Variants in ADAM19 observed in about 807,000 individuals in gnomAD.
The protein encoded by ADAM19 is ADAM metallopeptidase domain 19.
A neutral mutation model predicts 114.7 loss-of-function variants in ADAM19; 65 were observed. That is an observed-to-expected ratio of 0.57 (90% confidence interval 0.46 to 0.70). The LOEUF (loss-of-function observed/expected upper bound fraction) is 0.70. ADAM19 is among the 30% of genes least tolerant of loss of function. ADAM19 has a pLI of 0.00. For synonymous variants in ADAM19, 466 were observed against 460.5 expected, an observed-to-expected ratio of 1.01 and a Z score of -0.15; for missense variants, 1,063 against 1,204.7, an observed-to-expected ratio of 0.88 and a Z score of 1.74.
At chr5:157,508,723 C>T (rs1755822356) in intron 9 of ADAM19, among the ~76,000 whole-genome samples, 1 of 152,236 alleles carries the variant, frequency 6.6e-6, no homozygotes, top group Non-Finnish European at 1.5e-5. Flanking sequence ...CCCTGGGGCA[C>T]TGTCACATGT....
Position 157,477,541 on chromosome 5 carries a change from G to T in ADAM19, c.*3408C>A. The T allele has an allele frequency of 1.7e-6, 2 of 1,184,446 alleles. No individual in the cohort carries two copies. The highest frequency in any genetic ancestry group is 1.6e-5 in the African/African-American group (1 of 62,930). The allele number at this position is 1,184,446 out of a possible 1,614,324, so 73.4% of individuals were successfully genotyped here. ...GTGGACGGTGTGAGAGGACGCGTTGGGGGTGACTTTGGAAATGTGGGCTTG... is the reference window on the plus strand; with the variant it reads ...GTGGACGGTGTGAGAGGACGCGTTGTGGGTGACTTTGGAAATGTGGGCTTG... On this transcript the variant is annotated 3_prime_UTR_variant, in exon 23 of 23. Transcript: ENST00000257527.
chr5:157,478,833 G>A lies in ADAM19; in HGVS notation c.*2116C>T. Reference sequence around the variant, plus strand: ...TTTCTGGTGTGGTTCCAGGGAGGGTGGACTGCAGGTTCAGATGGCTCATGC... The same window carrying A: ...TTTCTGGTGTGGTTCCAGGGAGGGTAGACTGCAGGTTCAGATGGCTCATGC... On this transcript the variant is annotated 3_prime_UTR_variant, in exon 23 of 23. Coordinates refer to ENST00000257527, the MANE Select transcript of ADAM19 (RefSeq NM_033274.5). The A allele has an allele frequency of 4.1e-6, 4 of 985,842 alleles. No homozygotes were observed. The highest frequency in any genetic ancestry group is 1.7e-5 in the African/African-American group (1 of 57,332). 61.1% of individuals were successfully genotyped at this position (985,842 alleles called of 1,614,324 possible).
chr5:157,514,797 G>C (rs1050677691), intron 7 of ADAM19, among the ~76,000 whole-genome samples: 9 of 152,198 alleles, frequency 5.9e-5, no homozygotes, highest in Admixed American at 5.9e-4. Context: ...GCTTCACAGT[G>C]TAAAGAGAAA....
chr5:157,489,588 A>C (rs913551694), intron 19 of ADAM19, among the ~76,000 whole-genome samples: 1 of 152,232 alleles, frequency 6.6e-6, no homozygotes, highest in African/African-American at 2.4e-5. Flanking sequence ...TACATCTTCC[A>C]TATCCAAAAT....
intron 7 of ADAM19, among the ~76,000 whole-genome samples, chr5:157,516,932 T>C (rs1346543737): frequency 1.9e-5 from 2 of 105,848 alleles, no homozygotes; most frequent in African/African-American, 1.0e-4. Flanking sequence ...ACAGAAAACA[T>C]AGAACACACA....
At chr5:157,548,185 C>T (rs1456108128) in intron 3 of ADAM19, among the ~76,000 whole-genome samples, 3 of 152,162 alleles carry the variant, frequency 2.0e-5, no homozygotes, top group Non-Finnish European at 4.4e-5. Context: ...TCAGACTTCC[C>T]GTGCCCCCAA....
chr5:157,508,998 C>G (rs1327270111), intron 9 of ADAM19, among the ~76,000 whole-genome samples: 1 of 152,256 alleles, frequency 6.6e-6, no homozygotes, highest in Admixed American at 6.5e-5. Context: ...ACCTGACCAA[C>G]AGTCAGTCCC....
At chr5:157,488,572 C>G (rs561675334) in intron 20 of ADAM19, 83 bp from the exon 21 acceptor site, 2 of 1,136,672 alleles carry the variant, frequency 1.8e-6, no homozygotes, top group South Asian at 3.2e-5. Flanking sequence ...AAACCAGAGC[C>G]CAAAGGGAGA....
chr5:157,561,377 G>A (rs534049878), intron 3 of ADAM19, among the ~76,000 whole-genome samples: 3 of 152,224 alleles, frequency 2.0e-5, no homozygotes, highest in Non-Finnish European at 4.4e-5. Flanking sequence ...TGCTATTTTG[G>A]GCCATGCATT....
intron 3 of ADAM19, among the ~76,000 whole-genome samples, chr5:157,544,532 T>C (rs1311682498): frequency 1.3e-5 from 2 of 152,182 alleles, no homozygotes; most frequent in Non-Finnish European, 2.9e-5. Context: ...TCTTCAGGCC[T>C]CCCTCGTGGC....
At chr5:157,496,544 C>G (rs1382965569) in intron 14 of ADAM19, among the ~76,000 whole-genome samples, 1 of 152,144 alleles carries the variant, frequency 6.6e-6, no homozygotes, top group South Asian at 2.1e-4. Flanking sequence ...TATGAAAAAT[C>G]TCACCTCATC....
intron 5 of ADAM19, among the ~76,000 whole-genome samples, chr5:157,526,201 C>A (rs1233642734): frequency 1.3e-5 from 2 of 150,096 alleles, no homozygotes; most frequent in African/African-American, 5.0e-5. Context: ...CACACACACA[C>A]AATTATGTAT....
intron 11 of ADAM19, among the ~76,000 whole-genome samples, chr5:157,505,123 A>AAAC (rs1755699701): frequency 6.6e-6 from 1 of 150,838 alleles, no homozygotes; most frequent in Non-Finnish European, 1.5e-5. Context: ...TGTCTCAAAA[A>AAAC]AAAAAAAAAA....
At chr5:157,557,696 T>G (rs969897171) in intron 3 of ADAM19, among the ~76,000 whole-genome samples, 4 of 152,142 alleles carry the variant, frequency 2.6e-5, no homozygotes, top group African/African-American at 9.7e-5. Flanking sequence ...GAGGGCCCTC[T>G]CTCCGGTTCA....
In ADAM19 at chr5:157,517,372, C is replaced by A. The variant is rs780014885; in HGVS notation, c.666+1451G>T. Among the ~76,000 whole-genome samples, 4 of 152,198 alleles carry A rather than the reference C, an allele frequency of 2.6e-5. No individual in the cohort carries two copies. The East Asian group carries it at 5.8e-4, about 22-fold the overall frequency. ...CAGTGTCTGCCCTGCTCGAACACAGCGAGCGCTCAGCTCATAATGACATCC... is the reference window on the plus strand; with the variant it reads ...CAGTGTCTGCCCTGCTCGAACACAGAGAGCGCTCAGCTCATAATGACATCC... On this transcript the variant is annotated intron_variant, in intron 7 of 22. Transcript: ENST00000257527.
rs762841793 is a variant in ADAM19, at chr5:157,502,987, G to C, written c.1131-7C>G. ...CACTTTGGGAAAGGGGTGCCTGGCA[G>C]AGGACAAGGCTGGAATTAGTGGGGA... On this transcript the variant is annotated splice_polypyrimidine_tract_variant and splice_region_variant and intron_variant, in intron 11 of 22. Transcript: ENST00000257527. 1.2e-6 allele frequency: 2 copies of C among 1,613,156 alleles called. No homozygotes were observed. The highest frequency in any genetic ancestry group is 1.7e-6 in the Non-Finnish European group (2 of 1,179,144).
At chr5:157,524,587 C>T (rs563715287) in intron 5 of ADAM19, among the ~76,000 whole-genome samples, 102 of 152,336 alleles carry the variant, frequency 6.7e-4, no homozygotes, top group African/African-American at 2.4e-3. Flanking sequence ...AACTACCCTG[C>T]TACCCTTCTT....
chr5:157,566,572 CT>C (rs1757668816), intron 2 of ADAM19: 1 of 152,310 alleles, frequency 6.6e-6, no homozygotes, highest in African/African-American at 2.4e-5. Context: ...CTTAAGGCTA[CT>C]GAACTTTTTT....
chr5:157,570,731 G>C, intron 2 of ADAM19, 164 bp downstream of exon 2: 2 of 576,182 alleles, frequency 3.5e-6, no homozygotes, highest in Non-Finnish European at 3.1e-6. Flanking sequence ...TGTCATACAA[G>C]GAAGGAAAGT....
Sources: allele counts gnomAD v4.1 joint callset (sites outside exome capture counted in the v4.1 genomes callset), GRCh38; gene constraint gnomAD v4.1.1; transcripts MANE v1.5; gene names NCBI Gene and HGNC (gene_info 2026-07-23, HGNC 2026-07-21).